RAB35: variants seen among roughly 807,000 people sequenced by gnomAD.
RAB35 encodes the protein ras-related protein Rab-35.
In RAB35, 4 loss-of-function variants were observed where a neutral mutation model predicts 28.9. The ratio of observed to expected loss-of-function variants is 0.14; its 90% CI spans 0.07 to 0.32. RAB35 has a LOEUF of 0.32. RAB35 is among the 10% of genes least tolerant of loss of function. RAB35 has a pLI of 1.00. For synonymous variants in RAB35, 99 were observed against 105.1 expected, an observed-to-expected ratio of 0.94 and a Z score of 0.35; for missense variants, 128 against 274.0, an observed-to-expected ratio of 0.47 and a Z score of 3.76.
intron 2 of RAB35, among the ~76,000 whole-genome samples, chr12:120,105,842 G>A (rs1440899556): frequency 7.9e-5 from 12 of 151,352 alleles, no homozygotes; most frequent in Admixed American, 2.0e-4. Flanking sequence ...GCGTGAACCC[G>A]GGAGGCGGAG....
Position 120,112,508 on chromosome 12 carries a change from G to A in RAB35, c.53-4041C>T, listed in dbSNP as rs1357422887. 4.0e-5 allele frequency among the ~76,000 whole-genome samples: 6 copies of A among 150,696 alleles called. No homozygotes were observed. In the East Asian group the frequency reaches 9.7e-4, roughly 24 times the overall value. On this transcript the variant is annotated intron_variant, in intron 1 of 5. Transcript: ENST00000229340. The stretch of plus-strand genomic sequence containing the variant: ...TGCAGCAGCGTGATCATAGCTCATT[G>A]CAGTCTCAACCTCCCAGACTCAAGA...
intron 3 of RAB35, chr12:120,099,417 G>GC: frequency 1.8e-6 from 1 of 552,354 alleles, no homozygotes; most frequent in South Asian, 2.3e-5. Flanking sequence ...CAGGTCTGAG[G>GC]AGTCACCTCC....
At position 120,096,293 on chromosome 12, in the gene RAB35, TA is replaced by T; in HGVS notation, c.*951del. On this transcript the variant is annotated 3_prime_UTR_variant, in exon 6 of 6. Coordinates refer to ENST00000229340, the MANE Select transcript of RAB35 (RefSeq NM_006861.7). ...TGGCAGGAAGCCATTCATTTTTTTC[TA>T]AAAACAGTGGACACAAGTGGGGTGG... 1.5e-6 allele frequency: 1 copy of T among 652,780 alleles called. No individual in the cohort carries two copies. Among genetic ancestry groups the T allele is most frequent in the Non-Finnish European group, 2.2e-6 (1 of 450,420 alleles). The allele number at this position is 652,780 out of a possible 1,614,324, so 40.4% of individuals were successfully genotyped here. A position where few individuals can be genotyped will look rare whatever the true frequency, so the allele number is the denominator to read the frequency against.
chr12:120,098,163 C>T (rs371060580), intron 5 of RAB35, among the ~76,000 whole-genome samples: 3 of 152,334 alleles, frequency 2.0e-5, no homozygotes, highest in African/African-American at 7.2e-5. Context: ...AGATTACAGG[C>T]GTGAGCCGGC....
intron 2 of RAB35, among the ~76,000 whole-genome samples, chr12:120,106,286 G>A (rs1271030260): frequency 6.6e-6 from 1 of 152,146 alleles, no homozygotes; most frequent in East Asian, 1.9e-4. Flanking sequence ...TAAACAGAAG[G>A]TTAACAGCCA....
At position 120,096,662 on chromosome 12, in the gene RAB35, C is replaced by T. The variant is rs991369693; in HGVS notation, c.*583G>A. ...CCAGCTCCCAGAATGGCTGTGGGGACAGGACAACGGGGAGGGAAGGGAGCT... is the reference window on the plus strand; with the variant it reads ...CCAGCTCCCAGAATGGCTGTGGGGATAGGACAACGGGGAGGGAAGGGAGCT... On this transcript the variant is annotated 3_prime_UTR_variant, in exon 6 of 6. Coordinates refer to ENST00000229340, the MANE Select transcript of RAB35 (RefSeq NM_006861.7). 3 of 1,289,738 alleles carry T rather than the reference C, an allele frequency of 2.3e-6. No homozygotes were observed. In the African/African-American group the frequency reaches 4.6e-5, roughly 20 times the overall value. 79.9% of individuals were successfully genotyped at this position (1,289,738 alleles called of 1,614,324 possible).
Position 120,097,255 on chromosome 12 carries a change from C to A in RAB35, c.596G>T (p.Arg199Leu). Residue 199 changes from arginine (R) to leucine (L), a missense_variant, in exon 6 of 6, where the codon CGC becomes CTC. Coordinates refer to ENST00000229340, the MANE Select transcript of RAB35 (RefSeq NM_006861.7). ...KLTKNSKRKK[R>L]CC ...GTGGACTGGGTGCCATTAGCAGCAG[C>A]GTTTCTTTCGTTTACTGTTCTTCGT... 1 of 1,614,056 alleles carries A rather than the reference C, an allele frequency of 6.2e-7. No individual in the cohort carries two copies. Among genetic ancestry groups the A allele is most frequent in the Non-Finnish European group, 8.5e-7 (1 of 1,180,038 alleles).
rs1875983355 is a variant in RAB35 at position 120,108,522 on chromosome 12, C to G, written c.53-55G>C. The G allele has an allele frequency of 3.3e-6, 5 of 1,523,212 alleles. No individual in the cohort carries two copies. In the Admixed American group the frequency reaches 8.5e-5, roughly 26 times the overall value. The allele number at this position is 1,523,212 out of a possible 1,614,324, so 94.4% of individuals were successfully genotyped here. On this transcript the variant is annotated intron_variant, in intron 1 of 5. Coordinates refer to ENST00000229340, the MANE Select transcript of RAB35 (RefSeq NM_006861.7). ...GGGCAGGTGGGTCCCCTCCCCGCAG[C>G]CCCAGCCCTTCTTCCGGGAGAGGAT...
intron 1 of RAB35, among the ~76,000 whole-genome samples, chr12:120,114,645 G>A (rs545862331): frequency 2.0e-5 from 3 of 152,300 alleles, no homozygotes; most frequent in South Asian, 2.1e-4. Context: ...CACAACCTAC[G>A]CCTACATGGC....
intron 1 of RAB35, among the ~76,000 whole-genome samples, chr12:120,116,089 A>C (rs989966081): frequency 2.0e-5 from 3 of 152,162 alleles, no homozygotes; most frequent in Non-Finnish European, 4.4e-5. Context: ...GAAGAAACTG[A>C]CGCTTATAAA....
In RAB35 at chr12:120,097,539, T is replaced by C. The variant is rs116957672; in HGVS notation, c.478-166A>G. 7.5e-4 allele frequency among the ~76,000 whole-genome samples: 114 copies of C among 152,312 alleles called. 1 individual carries two copies. In the East Asian group the frequency reaches 0.02, roughly 27 times the overall value. On this transcript the variant is annotated intron_variant, in intron 5 of 5. Transcript: ENST00000229340. ...TAGAAGGAGGTGGTGAATTATTTTA[T>C]TTAAAGGTCAAAAAGGAACAACATT...
At position 120,099,103 on chromosome 12, in the gene RAB35, G is replaced by C. The variant is rs777609502; in HGVS notation, c.279C>G (p.Ala93=). The stretch of plus-strand genomic sequence containing the variant: ...ACCGCTTGACGTTGACAAAGGACTC[G>C]GCACTGGTGACGTCGTAAACCACAA... ...GVIVVYDVTS[A]ESFVNVKRWL... The change falls in exon 4 of 6, where the codon GCC becomes GCG. Residue 93 remains alanine (A), a synonymous_variant. Transcript: ENST00000229340. 1 of 1,614,244 alleles carries C rather than the reference G, an allele frequency of 6.2e-7. No homozygotes were observed. Among genetic ancestry groups the C allele is most frequent in the South Asian group, 1.1e-5 (1 of 91,088 alleles).
chr12:120,097,005 G>A lies in RAB35; in HGVS notation c.*240C>T. ...CGCTCGGCGGGCAGCGTCCTCGCCA[G>A]GTCCAGGCGCCTTGGCCGGGGAGGA... On this transcript the variant is annotated 3_prime_UTR_variant, in exon 6 of 6. Coordinates refer to ENST00000229340, the MANE Select transcript of RAB35 (RefSeq NM_006861.7). 6.6e-7 allele frequency: 1 copy of A among 1,505,340 alleles called. No individual in the cohort carries two copies. Among genetic ancestry groups the A allele is most frequent in the Non-Finnish European group, 8.9e-7 (1 of 1,127,682 alleles). 93.2% of individuals were successfully genotyped at this position (1,505,340 alleles called of 1,614,324 possible). A position where few individuals can be genotyped will look rare whatever the true frequency, so the allele number is the denominator to read the frequency against.
chr12:120,108,587 C>T, intron 1 of RAB35, 120 bp from the exon 2 acceptor site: 2 of 871,414 alleles, frequency 2.3e-6, no homozygotes, highest in African/African-American at 1.7e-5. Flanking sequence ...TGGGACCCAG[C>T]TCACTTCTCA....
At chr12:120,111,444 G>C (rs923722567) in intron 1 of RAB35, among the ~76,000 whole-genome samples, 1 of 152,122 alleles carries the variant, frequency 6.6e-6, no homozygotes, top group African/African-American at 2.4e-5. Context: ...CACTTTGGGA[G>C]GCCGAGGTGG....
rs968564312 is a variant in RAB35, at chr12:120,108,791, A to G, written c.53-324T>C. ...AGATGCCAGACGACAAAGCAGAATG[A>G]AGGTCAACCACACGAAACGGCCCCC... On this transcript the variant is annotated intron_variant, in intron 1 of 5. Transcript: ENST00000229340. 7 of 496,554 alleles carry G rather than the reference A, an allele frequency of 1.4e-5. No individual in the cohort carries two copies. In the Admixed American group the frequency reaches 2.0e-4, roughly 14 times the overall value. 30.8% of individuals were successfully genotyped at this position (496,554 alleles called of 1,614,324 possible).
intron 2 of RAB35, among the ~76,000 whole-genome samples, chr12:120,107,012 G>GGA (rs772579694): frequency 1.1e-4 from 16 of 151,930 alleles, no homozygotes; most frequent in South Asian, 6.2e-4. Flanking sequence ...TTTTTGAGAT[G>GGA]GAGTCTCGCT....
At chr12:120,113,143 C>T (rs149716942) in intron 1 of RAB35, among the ~76,000 whole-genome samples, 1,514 of 151,264 alleles carry the variant, frequency 0.01, 23 homozygotes, top group East Asian at 0.041. Context: ...CTGCCCACCT[C>T]GGCCTCCCAA....
At position 120,098,171 on chromosome 12, in the gene RAB35, G is replaced by A. The variant is rs548331094; in HGVS notation, c.477+640C>T. On this transcript the variant is annotated intron_variant, in intron 5 of 5. Coordinates refer to ENST00000229340, the MANE Select transcript of RAB35 (RefSeq NM_006861.7). Reference sequence around the variant, plus strand: ...AGCACTGAGATTACAGGCGTGAGCCGGCGCGCCCGGCCCAGCTGGAATCTT... The same window carrying A: ...AGCACTGAGATTACAGGCGTGAGCCAGCGCGCCCGGCCCAGCTGGAATCTT... 5.1e-4 allele frequency among the ~76,000 whole-genome samples: 78 copies of A among 152,314 alleles called. No homozygotes were observed. The Middle Eastern group carries it at 0.017, about 33-fold the overall frequency.
Sources: allele counts gnomAD v4.1 joint callset (sites outside exome capture counted in the v4.1 genomes callset), GRCh38; gene constraint gnomAD v4.1.1; transcripts MANE v1.5; gene names NCBI Gene and HGNC (gene_info 2026-07-23, HGNC 2026-07-21).